Variants in DPH6 observed in about 807,000 individuals in gnomAD.
The protein encoded by DPH6 is diphthamine biosynthesis 6.
DPH6 carries 33 observed loss-of-function variants against 38.2 expected under a neutral mutation model. The ratio of observed to expected loss-of-function variants is 0.86; its 90% CI spans 0.65 to 1.15. DPH6 has a LOEUF of 1.15. Ranked by LOEUF, DPH6 falls within the 50% of genes most tolerant of loss-of-function variation. The probability of loss-of-function intolerance (pLI) is 0.00; values close to 1 mark genes in which losing one functional copy is unlikely to be tolerated. For synonymous variants in DPH6, 108 were observed against 103.0 expected (o/e 1.05, Z -0.30); for missense variants, 325 against 320.0 (o/e 1.02, Z -0.12).
intron 3 of DPH6, among the ~76,000 whole-genome samples, chr15:35,509,782 G>C (rs1595430023): frequency 1.3e-5 from 2 of 152,160 alleles, no homozygotes; most frequent in East Asian, 3.9e-4. Flanking sequence ...TAGTGCTTAA[G>C]CAAGGGGAAA....
the DPH6 span, among the ~76,000 whole-genome samples, chr15:35,193,166 TA>T: frequency 6.6e-6 from 1 of 152,168 alleles, no homozygotes; most frequent in African/African-American, 2.4e-5. Context: ...CTAAAATTAA[TA>T]TCTGAATACT....
chr15:35,503,233 G>A (rs972001689), intron 3 of DPH6, among the ~76,000 whole-genome samples: 1 of 151,722 alleles, frequency 6.6e-6, no homozygotes, highest in Admixed American at 6.6e-5. Context: ...AAGTAAATAA[G>A]TAATCTGCTT....
intron 4 of DPH6, among the ~76,000 whole-genome samples, chr15:35,454,149 T>C (rs1274070302): frequency 2.6e-5 from 4 of 152,112 alleles, no homozygotes; most frequent in Admixed American, 6.5e-5. Flanking sequence ...AATAGATCAA[T>C]AGAATTGACC....
intron 3 of DPH6, among the ~76,000 whole-genome samples, chr15:35,472,251 G>C (rs1450405007): frequency 6.6e-6 from 1 of 152,152 alleles, no homozygotes; most frequent in African/African-American, 2.4e-5. Context: ...AAACCAAAGA[G>C]GGACAGTGAA....
chr15:35,380,048 T>C (rs2052843442), intron 7 of DPH6, among the ~76,000 whole-genome samples: 1 of 152,012 alleles, frequency 6.6e-6, no homozygotes, highest in Non-Finnish European at 1.5e-5. Flanking sequence ...ATTAGATTGG[T>C]GATTAACTCA....
intron 6 of DPH6, among the ~76,000 whole-genome samples, chr15:35,399,608 G>C (rs2053191313): frequency 6.6e-6 from 1 of 152,064 alleles, no homozygotes; most frequent in Non-Finnish European, 1.5e-5. Flanking sequence ...GGGGCAAAAA[G>C]AATATCCTAT....
intron 5 of DPH6, among the ~76,000 whole-genome samples, chr15:35,417,578 T>C (rs1430454719): frequency 6.6e-6 from 1 of 152,032 alleles, no homozygotes; most frequent in Non-Finnish European, 1.5e-5. Flanking sequence ...AACATCTCTA[T>C]TTACTTTACC....
intron 3 of DPH6, among the ~76,000 whole-genome samples, chr15:35,363,727 G>GA (rs1213047896): frequency 2.0e-5 from 3 of 150,806 alleles, no homozygotes; most frequent in East Asian, 1.9e-4. Flanking sequence ...TTTTTCTATT[G>GA]CCTTTTAAAA....
chr15:35,534,335 C>A (rs2055134977), intron 3 of DPH6, among the ~76,000 whole-genome samples: 1 of 148,400 alleles, frequency 6.7e-6, no homozygotes, highest in Non-Finnish European at 1.5e-5. Flanking sequence ...CAAGATTGTG[C>A]CATTGCTCTC....
intron 3 of DPH6, among the ~76,000 whole-genome samples, chr15:35,235,232 A>G (rs1041283983): frequency 1.3e-5 from 2 of 152,168 alleles, no homozygotes; most frequent in East Asian, 1.9e-4. Flanking sequence ...TGTCTAGTCC[A>G]GGGGTAGGAA....
At chr15:35,285,362 T>C (rs1053073910) in intron 3 of DPH6, among the ~76,000 whole-genome samples, 1 of 152,036 alleles carries the variant, frequency 6.6e-6, no homozygotes, top group Non-Finnish European at 1.5e-5. Flanking sequence ...AATTGAAACA[T>C]GGGGGCGGGT....
chr15:35,170,095 T>G, the DPH6 span, among the ~76,000 whole-genome samples: 1 of 152,222 alleles, frequency 6.6e-6, no homozygotes, highest in South Asian at 2.1e-4. Context: ...TACATCAAAT[T>G]GGACTTGATT....
chr15:35,391,532 T>C (rs2053057209), intron 6 of DPH6, among the ~76,000 whole-genome samples: 1 of 152,194 alleles, frequency 6.6e-6, no homozygotes, highest in African/African-American at 2.4e-5. Flanking sequence ...TACTCAAGCC[T>C]GAGCAATGGT....
chr15:35,179,215 A>ATC, the DPH6 span, among the ~76,000 whole-genome samples: 1 of 150,336 alleles, frequency 6.7e-6, no homozygotes, highest in Non-Finnish European at 1.5e-5. Context: ...AAAAAAAAAA[A>ATC]AAAAAAAAAA....
chr15:35,331,210 C>T (rs2052324905), intron 3 of DPH6: 1 of 152,102 alleles, frequency 6.6e-6, no homozygotes, highest in African/African-American at 2.4e-5. Context: ...AATGAAATGT[C>T]AAGTTAAGGA....
intron 5 of DPH6, among the ~76,000 whole-genome samples, chr15:35,415,615 G>A (rs1359905603): frequency 6.6e-6 from 1 of 151,934 alleles, no homozygotes; most frequent in Non-Finnish European, 1.5e-5. Flanking sequence ...AGTAAATAAT[G>A]TAAATATAAA....
At position 35,374,017 on chromosome 15, in the gene DPH6, T is replaced by A. The variant is rs932248072; in HGVS notation, c.663-409A>T. On this transcript the variant is annotated intron_variant, in intron 7 of 8. Transcript: ENST00000256538. The stretch of plus-strand genomic sequence containing the variant: ...AATTCATTCAATGTTTCACACAAAA[T>A]CTCAATTATCCTTCACAAAAGCAGT... 2.6e-5 allele frequency among the ~76,000 whole-genome samples: 4 copies of A among 151,982 alleles called. No homozygotes were observed. The East Asian group carries it at 7.7e-4, about 29-fold the overall frequency.
At chr15:35,309,991 T>C (rs1458597627) in intron 3 of DPH6, among the ~76,000 whole-genome samples, 2 of 152,188 alleles carry the variant, frequency 1.3e-5, no homozygotes, top group Non-Finnish European at 2.9e-5. Flanking sequence ...CTTTTGGGCC[T>C]AGAAGAAAAC....
intron 3 of DPH6, among the ~76,000 whole-genome samples, chr15:35,289,284 A>G (rs928665939): frequency 2.0e-5 from 3 of 152,232 alleles, no homozygotes; most frequent in African/African-American, 7.2e-5. Flanking sequence ...TTGCTGAAAT[A>G]AACATGTTTA....
Sources: allele counts gnomAD v4.1 joint callset (sites outside exome capture counted in the v4.1 genomes callset), GRCh38; gene constraint gnomAD v4.1.1; transcripts MANE v1.5; gene names NCBI Gene and HGNC (gene_info 2026-07-23, HGNC 2026-07-21).